The following MANBA variants were observed in gnomAD, a reference collection of about 807,000 sequenced individuals.
MANBA encodes the protein beta-mannosidase.
MANBA carries 83 observed loss-of-function variants against 111.1 expected under a neutral mutation model. The ratio of observed to expected loss-of-function variants is 0.75; its 90% CI spans 0.63 to 0.90. MANBA has a LOEUF of 0.90. MANBA is among the 40% of genes least tolerant of loss of function. The probability of loss-of-function intolerance (pLI) is 0.00; values close to 1 mark genes in which losing one functional copy is unlikely to be tolerated. For missense variants in MANBA, 1,036 were observed against 1,069.0 expected, an observed-to-expected ratio of 0.97 and a Z score of 0.43; for synonymous variants, 370 against 378.7, an observed-to-expected ratio of 0.98 and a Z score of 0.27.
intron 9 of MANBA, among the ~76,000 whole-genome samples, chr4:102,670,455 C>G (rs1192206324): frequency 1.3e-5 from 2 of 152,108 alleles, no homozygotes; most frequent in Admixed American, 6.6e-5. Context: ...TCTTCGGTGG[C>G]ACTCTTTATA....
At chr4:102,751,913 G>A (rs1215958727) in intron 1 of MANBA, 1 of 631,180 alleles carries the variant, frequency 1.6e-6, no homozygotes, top group African/African-American at 1.8e-5. Flanking sequence ...TCTTATGGGA[G>A]TGGAATAGAG....
intron 11 of MANBA, among the ~76,000 whole-genome samples, chr4:102,663,567 T>A (rs1013586899): frequency 1.3e-5 from 2 of 152,224 alleles, no homozygotes; most frequent in Non-Finnish European, 2.9e-5. Context: ...AGGTAAACTA[T>A]AAATTTGAAC....
chr4:102,723,830 T>C, intron 3 of MANBA, 32 bp downstream of exon 3: 1 of 1,206,454 alleles, frequency 8.3e-7, no homozygotes. Context: ...CACACATAAA[T>C]TTTTTTTAAC....
intron 16 of MANBA, chr4:102,633,512 C>A (rs945984640): frequency 5.0e-6 from 2 of 398,164 alleles, no homozygotes; most frequent in African/African-American, 4.1e-5. Context: ...TTTCTGGCAT[C>A]TCCCTTGAGA....
intron 7 of MANBA, among the ~76,000 whole-genome samples, chr4:102,676,661 G>A (rs76782146): frequency 0.013 from 1,939 of 152,050 alleles, 15 homozygotes; most frequent in Admixed American, 0.019. Context: ...GCCTGTATTT[G>A]TCTGTTATCA....
chr4:102,657,430 G>A (rs987708081), intron 12 of MANBA, among the ~76,000 whole-genome samples: 1 of 152,180 alleles, frequency 6.6e-6, no homozygotes, highest in African/African-American at 2.4e-5. Flanking sequence ...ATTTCCGTGT[G>A]TGATAATAAG....
At chr4:102,690,545 G>C (rs773446060) in intron 6 of MANBA, 51 bp downstream of exon 6, 1 of 1,536,316 alleles carries the variant, frequency 6.5e-7, no homozygotes, top group South Asian at 1.1e-5. Flanking sequence ...CATTTCTTTA[G>C]CACAGGTATT....
At chr4:102,712,321 C>T (rs1722109156) in intron 5 of MANBA, among the ~76,000 whole-genome samples, 1 of 152,124 alleles carries the variant, frequency 6.6e-6, no homozygotes, top group Non-Finnish European at 1.5e-5. Flanking sequence ...TTCACTCAGT[C>T]ACTAGTGACT....
chr4:102,656,946 T>A (rs1198218544), intron 12 of MANBA, among the ~76,000 whole-genome samples: 1 of 152,048 alleles, frequency 6.6e-6, no homozygotes, highest in Non-Finnish European at 1.5e-5. Flanking sequence ...TAGGGAGTGG[T>A]TGCTAATGGG....
intron 13 of MANBA, 27 bp from the exon 14 acceptor site, chr4:102,639,884 G>A (rs773044475): frequency 3.1e-6 from 5 of 1,613,100 alleles, no homozygotes; most frequent in Non-Finnish European, 3.4e-6. Context: ...TTCATACACA[G>A]GTGTTATTGT....
chr4:102,697,820 C>A (rs151054729), intron 5 of MANBA, among the ~76,000 whole-genome samples: 41 of 151,828 alleles, frequency 2.7e-4, no homozygotes, highest in African/African-American at 9.4e-4. Flanking sequence ...ATAAACATAC[C>A]TGTGCATGTG....
At chr4:102,634,695 A>C (rs1729536335) in intron 16 of MANBA, 93 bp downstream of exon 16, 2 of 1,534,234 alleles carry the variant, frequency 1.3e-6, no homozygotes, top group East Asian at 4.5e-5. Context: ...CAAGGGGGAC[A>C]CATGCAAATC....
rs1362977112 is a variant in MANBA, at chr4:102,631,195, G to A, written c.*862C>T. 1 of 150,636 alleles carries A rather than the reference G, an allele frequency of 6.6e-6. No individual in the cohort carries two copies. The highest frequency in any genetic ancestry group is 1.5e-5 in the Non-Finnish European group (1 of 67,794). 9.3% of individuals were successfully genotyped at this position (150,636 alleles called of 1,614,324 possible). A position where few individuals can be genotyped will look rare whatever the true frequency, so the allele number is the denominator to read the frequency against. On this transcript the variant is annotated 3_prime_UTR_variant, in exon 17 of 17. Transcript: ENST00000647097. The stretch of plus-strand genomic sequence containing the variant: ...TACTCTTAGATACTGAAGAAGACTG[G>A]ATTGTCTGTAGTTACTTTTAGAGTC...
At chr4:102,700,435 T>G (rs1440838378) in intron 5 of MANBA, among the ~76,000 whole-genome samples, 1 of 152,212 alleles carries the variant, frequency 6.6e-6, no homozygotes, top group Non-Finnish European at 1.5e-5. Context: ...TTTCTAATTC[T>G]TTTAATTGTG....
chr4:102,665,159 C>G (rs1731162813), intron 10 of MANBA: 1 of 287,106 alleles, frequency 3.5e-6, no homozygotes, highest in Non-Finnish European at 6.6e-6. Flanking sequence ...AAACTCTTCA[C>G]TCTGTGGATT....
intron 13 of MANBA, among the ~76,000 whole-genome samples, chr4:102,641,471 G>A (rs946784564): frequency 5.9e-5 from 9 of 152,192 alleles, no homozygotes; most frequent in African/African-American, 1.4e-4. Context: ...TTGCAAGGGG[G>A]CTAGAGTGGA....
At chr4:102,644,539 T>G (rs771018284) in intron 13 of MANBA, among the ~76,000 whole-genome samples, 2 of 152,094 alleles carry the variant, frequency 1.3e-5, no homozygotes, top group Non-Finnish European at 2.9e-5. Flanking sequence ...AAATACTACA[T>G]GATCTCACGT....
At chr4:102,706,912 A>G (rs957958820) in intron 5 of MANBA, among the ~76,000 whole-genome samples, 1 of 152,202 alleles carries the variant, frequency 6.6e-6, no homozygotes, top group African/African-American at 2.4e-5. Context: ...GATTGACAAA[A>G]GACTACATGA....
At chr4:102,673,772 G>A in intron 8 of MANBA, 147 bp downstream of exon 8, 1 of 717,248 alleles carries the variant, frequency 1.4e-6, no homozygotes, top group Non-Finnish European at 2.4e-6. Flanking sequence ...TTAAAATCCT[G>A]TCCATTCTGA....
Sources: gnomAD v4.1 joint callset for allele counts (sites outside exome capture counted in the v4.1 genomes callset) on GRCh38, gnomAD v4.1.1 for gene constraint, MANE v1.5 for transcripts, NCBI Gene and HGNC (gene_info 2026-07-23, HGNC 2026-07-21) for gene names.